The following CCNA1 variants were observed in gnomAD, a reference collection of about 807,000 sequenced individuals.
The protein encoded by CCNA1 is cyclin A1, also known as cyclin-A1.
Under a neutral mutation model 54.1 loss-of-function variants are expected in CCNA1, and 23 were observed. The ratio of observed to expected loss-of-function variants is 0.42; its 90% CI spans 0.31 to 0.60. CCNA1 has a LOEUF of 0.60. Ranked by LOEUF, CCNA1 falls within the 20% of genes least tolerant of loss-of-function variation. CCNA1 has a pLI of 0.14. For missense variants in CCNA1, 450 were observed against 556.7 expected (o/e 0.81, Z 1.93); for synonymous variants, 208 against 213.9 (o/e 0.97, Z 0.24).
intron 2 of CCNA1, 149 bp downstream of exon 2, chr13:36,433,370 T>TC (rs1491130202): frequency 3.2e-6 from 1 of 312,966 alleles, no homozygotes; most frequent in African/African-American, 2.7e-5. Flanking sequence ...GATTGATTTA[T>TC]TTTCTTTCTT....
intron 2 of CCNA1, 44 bp from the exon 3 acceptor site, chr13:36,437,585 G>C: frequency 6.3e-7 from 1 of 1,595,830 alleles, no homozygotes. Flanking sequence ...TTGCCTCTGT[G>C]GTCTTTGACG....
chr13:36,432,626 A>G lies in CCNA1; in HGVS notation c.5A>G (p.Glu2Gly), dbSNP rs1239578597. 2 of 1,588,752 alleles carry G rather than the reference A, an allele frequency of 1.3e-6. No homozygotes were observed. The highest frequency in any genetic ancestry group is 1.7e-6 in the Non-Finnish European group (2 of 1,168,266). ...GCACCCTGCTCGTCACTTGGGATGG[A>G]GACCGGCTTTCCCGCAATCATGTAC... Residue 2 changes from glutamate (E) to glycine (G), a missense_variant, in exon 1 of 9, where the codon GAG becomes GGG. Glu to Gly is a moderately conservative substitution (Grantham distance 98). Transcript: ENST00000255465.
intron 2 of CCNA1, among the ~76,000 whole-genome samples, chr13:36,433,440 T>TTCTTTCTTTCTTTCTTTCTTTTCTTTC (rs1566169715): frequency 7.3e-4 from 58 of 79,922 alleles, no homozygotes; most frequent in Middle Eastern, 6.3e-3. Flanking sequence ...CTTTCTTTCT[T>TTCTTTCTTTCTTTCTTTCTTTTCTTTC]TCGTTCTTTC....
At chr13:36,442,582 T>TTGTGC in intron 8 of CCNA1, 32 bp from the exon 9 acceptor site, 1 of 1,611,956 alleles carries the variant, frequency 6.2e-7, no homozygotes, top group Non-Finnish European at 8.5e-7. Flanking sequence ...AGTCCTTGGC[T>TTGTGC]TGTGCTGACC....
chr13:36,442,317 CATTTTCATATCTTA>C lies in CCNA1; in HGVS notation c.1346+14_1346+27del, dbSNP rs748670181. The C allele has an allele frequency of 7.4e-6, 12 of 1,612,442 alleles. No homozygotes were observed. Among genetic ancestry groups the C allele is most frequent in the Non-Finnish European group, 9.3e-6 (11 of 1,178,774 alleles). On this transcript the variant is annotated intron_variant, in intron 8 of 8. Transcript: ENST00000255465. ...ACAAGGCTTCAAAGTAAGTCACTGA[CATTTTCATATCTTA>C]GCTCTCTATTTAAAGCTTAATGGGT... is the stretch of plus-strand genomic sequence containing the variant.
chr13:36,442,784 A>G lies in CCNA1; in HGVS notation c.*119A>G. 1.2e-6 allele frequency: 1 copy of G among 807,048 alleles called. No homozygotes were observed. Among genetic ancestry groups the G allele is most frequent in the Non-Finnish European group, 2.0e-6 (1 of 491,968 alleles). The allele number at this position is 807,048 out of a possible 1,614,324, so 50.0% of individuals were successfully genotyped here. A position where few individuals can be genotyped will look rare whatever the true frequency, so the allele number is the denominator to read the frequency against. ...TTTACAATATAGATGACATTTTAAA[A>G]ATGTAAATGAATTTAGTTTCCCTTA... On this transcript the variant is annotated 3_prime_UTR_variant, in exon 9 of 9. Coordinates refer to ENST00000255465, the MANE Select transcript of CCNA1 (RefSeq NM_003914.4).
chr13:36,433,390 CTTTCTTTCTTT>C (rs2055746794), intron 2 of CCNA1, among the ~76,000 whole-genome samples, 169 bp downstream of exon 2: 1 of 83,794 alleles, frequency 1.2e-5, no homozygotes, highest in African/African-American at 5.5e-5. Flanking sequence ...TTCTTTCTTT[CTTTCTTTCTTT>C]CTTTCTTTCT....
At position 36,442,131 on chromosome 13, in the gene CCNA1, A is replaced by C. The variant is rs973334907; in HGVS notation, c.1213-40A>C. 1.0e-5 allele frequency: 16 copies of C among 1,566,524 alleles called. No homozygotes were observed. In the African/African-American group the frequency reaches 2.0e-4, roughly 20 times the overall value. ...TTGGTTATCTTCGGATATCTAATATAAAGTTATGTGAAGCAATTTTTTTCT... is the reference window on the plus strand; with the variant it reads ...TTGGTTATCTTCGGATATCTAATATCAAGTTATGTGAAGCAATTTTTTTCT... On this transcript the variant is annotated intron_variant, in intron 7 of 8. Coordinates refer to ENST00000255465, the MANE Select transcript of CCNA1 (RefSeq NM_003914.4).
At position 36,442,810 on chromosome 13, in the gene CCNA1, G is replaced by T; in HGVS notation, c.*145G>T. On this transcript the variant is annotated 3_prime_UTR_variant, in exon 9 of 9. Coordinates refer to ENST00000255465, the MANE Select transcript of CCNA1 (RefSeq NM_003914.4). ...ATGTAAATGAATTTAGTTTCCCTTA[G>T]ACTTTAGTAGTTTGTAATATAGTCC... is the stretch of plus-strand genomic sequence containing the variant. 1 of 685,964 alleles carries T rather than the reference G, an allele frequency of 1.5e-6. No individual in the cohort carries two copies. The highest frequency in any genetic ancestry group is 2.5e-6 in the Non-Finnish European group (1 of 399,182). The allele number at this position is 685,964 out of a possible 1,614,324, so 42.5% of individuals were successfully genotyped here.
At chr13:36,432,012 G>C (rs1278634435), upstream of CCNA1, 1 of 152,892 alleles carries the variant, frequency 6.5e-6, no homozygotes, top group Admixed American at 6.5e-5. Flanking sequence ...CCCAGGCCGG[G>C]GGCGCGGACC....
intron 2 of CCNA1, among the ~76,000 whole-genome samples, chr13:36,436,337 G>A (rs2055804990): frequency 6.6e-6 from 1 of 152,058 alleles, no homozygotes; most frequent in South Asian, 2.1e-4. Context: ...TGTCCTCATG[G>A]CCTATATGAC....
At position 36,437,890 on chromosome 13, in the gene CCNA1, T is replaced by C. The variant is rs774657616; in HGVS notation, c.544+15T>C. The stretch of plus-strand genomic sequence containing the variant: ...TTTCAACACAGGTAACTGACTTGCC[T>C]ATGGTTGATGGCTGATGGTACCCTG... On this transcript the variant is annotated intron_variant, in intron 3 of 8. Transcript: ENST00000255465. 1 of 1,609,900 alleles carries C rather than the reference T, an allele frequency of 6.2e-7. No individual in the cohort carries two copies. The highest frequency in any genetic ancestry group is 8.5e-7 in the Non-Finnish European group (1 of 1,177,234).
chr13:36,439,075 T>C (rs1166325548), intron 5 of CCNA1, among the ~76,000 whole-genome samples: 1 of 152,212 alleles, frequency 6.6e-6, no homozygotes, highest in African/African-American at 2.4e-5. Flanking sequence ...TTATGATTTA[T>C]AGCAACAAGT....
chr13:36,432,754 T>C, intron 1 of CCNA1, 25 bp downstream of exon 1: 1 of 1,418,118 alleles, frequency 7.1e-7, no homozygotes, highest in Non-Finnish European at 9.9e-7. Context: ...GTATCCCGAC[T>C]TGGAGGCTTG....
intron 5 of CCNA1, 32 bp from the exon 6 acceptor site, chr13:36,439,940 GGTTCTAA>G: frequency 7.0e-7 from 1 of 1,438,528 alleles, no homozygotes; most frequent in Non-Finnish European, 9.7e-7. Flanking sequence ...TAGAGCCAAA[GGTTCTAA>G]GTTTTACTTC....
At chr13:36,441,516 A>G (rs1300482526) in intron 7 of CCNA1, among the ~76,000 whole-genome samples, 5 of 152,336 alleles carry the variant, frequency 3.3e-5, no homozygotes, top group African/African-American at 1.2e-4. Context: ...TTGAGGTACA[A>G]TCATTGACTG....
rs1275972872 is a variant in CCNA1 at position 36,441,180 on chromosome 13, A to T, written c.1161A>T (p.Ile387=). 6.2e-7 allele frequency: 1 copy of T among 1,613,294 alleles called. No homozygotes were observed. The highest frequency in any genetic ancestry group is 8.5e-7 in the Non-Finnish European group (1 of 1,179,338). Reference sequence around the variant, plus strand: ...TCTTGAAATATCTTCCTTCACTGATAGCTGCAGCAGCTTTTTGCCTGGCAA... The same window carrying T: ...TCTTGAAATATCTTCCTTCACTGATTGCTGCAGCAGCTTTTTGCCTGGCAA... The change falls in exon 7 of 9, where the codon ATA becomes ATT. Residue 387 remains isoleucine (I), a synonymous_variant. Transcript: ENST00000255465.
In CCNA1 at chr13:36,432,748, C is replaced by A. The variant is rs769219060; in HGVS notation, c.108+19C>A. On this transcript the variant is annotated intron_variant, in intron 1 of 8. Coordinates refer to ENST00000255465, the MANE Select transcript of CCNA1 (RefSeq NM_003914.4). ...CTTCCAGGTAACGTGGGTTTAGTAT[C>A]CCGACTTGGAGGCTTGTCAGAATGT... is the stretch of plus-strand genomic sequence containing the variant. The A allele has an allele frequency of 6.7e-7, 1 of 1,485,038 alleles. No individual in the cohort carries two copies. The highest frequency in any genetic ancestry group is 1.1e-5 in the South Asian group (1 of 87,170). 92.0% of individuals were successfully genotyped at this position (1,485,038 alleles called of 1,614,324 possible).
At chr13:36,441,030 A>G (rs1480690401) in intron 6 of CCNA1, 88 bp from the exon 7 acceptor site, 4 of 660,028 alleles carry the variant, frequency 6.1e-6, no homozygotes, top group East Asian at 5.4e-5. Flanking sequence ...CAAAGATAAG[A>G]TACCATTTAT....
Sources: gnomAD v4.1 joint callset for allele counts (sites outside exome capture counted in the v4.1 genomes callset) on GRCh38, gnomAD v4.1.1 for gene constraint, MANE v1.5 for transcripts, NCBI Gene and HGNC (gene_info 2026-07-23, HGNC 2026-07-21) for gene names.